Variants in SDK1 observed in about 807,000 individuals in gnomAD.
SDK1 encodes sidekick cell adhesion molecule 1.
In SDK1, 157 loss-of-function variants were observed where a neutral mutation model predicts 245.5. That is an observed-to-expected ratio of 0.64 (90% CI 0.56 to 0.73). The LOEUF is 0.73. Ranked by LOEUF, SDK1 falls within the 30% of genes least tolerant of loss-of-function variation. The pLI, the probability that SDK1 is intolerant of heterozygous loss-of-function variation, is 0.00. For missense variants in SDK1, 3,583 were observed against 3,002.3 expected (o/e 1.19, Z -4.52); for synonymous variants, 1,647 against 1,278.5 (o/e 1.29, Z -6.15).
intron 4 of SDK1, among the ~76,000 whole-genome samples, chr7:3,731,454 G>A (rs1779175798): frequency 6.6e-6 from 1 of 152,184 alleles, no homozygotes; most frequent in East Asian, 1.9e-4. Flanking sequence ...ATACAAGGAA[G>A]CCAGCTGACA....
Position 3,723,785 on chromosome 7 carries a change from C to T in SDK1, c.713+81680C>T, listed in dbSNP as rs886744641. Among the ~76,000 whole-genome samples the T allele has an allele frequency of 3.4e-5, 5 of 147,476 alleles. No individual in the cohort carries two copies. The South Asian group carries it at 6.4e-4, about 19-fold the overall frequency. On this transcript the variant is annotated intron_variant, in intron 4 of 44. Coordinates refer to ENST00000404826, the MANE Select transcript of SDK1 (RefSeq NM_152744.4). ...ATATACATATACACGTGTATATACA[C>T]GTACTTATACATATACACGTGTATA...
intron 4 of SDK1, among the ~76,000 whole-genome samples, chr7:3,763,901 G>C (rs1419607579): frequency 6.6e-6 from 1 of 152,112 alleles, no homozygotes; most frequent in African/African-American, 2.4e-5. Flanking sequence ...TGTCCTATAA[G>C]TCCATTAAGG....
chr7:3,488,387 C>T (rs1354104322), intron 1 of SDK1, among the ~76,000 whole-genome samples: 1 of 152,016 alleles, frequency 6.6e-6, no homozygotes, highest in Non-Finnish European at 1.5e-5. Flanking sequence ...CTTTGAGACA[C>T]GATTTAATAT....
At chr7:3,304,667 C>T (rs1408875174) in intron 1 of SDK1, among the ~76,000 whole-genome samples, 1 of 152,154 alleles carries the variant, frequency 6.6e-6, no homozygotes, top group East Asian at 1.9e-4. Context: ...ACCTACTCTT[C>T]CTCTTCCATG....
chr7:3,542,635 A>T (rs1251888428), intron 1 of SDK1, among the ~76,000 whole-genome samples: 2 of 152,212 alleles, frequency 1.3e-5, no homozygotes, highest in Non-Finnish European at 2.9e-5. Flanking sequence ...AAATGTTTTA[A>T]AATGTTAAAA....
intron 1 of SDK1, among the ~76,000 whole-genome samples, chr7:3,442,190 A>G (rs1464041950): frequency 2.6e-5 from 4 of 152,234 alleles, no homozygotes; most frequent in Non-Finnish European, 5.9e-5. Context: ...TCTAGTTATG[A>G]AGGAAAGAGA....
In SDK1 at chr7:3,470,397, C is replaced by G. The variant is rs534605185; in HGVS notation, c.299-148683C>G. Among the ~76,000 whole-genome samples, 4 of 152,250 alleles carry G rather than the reference C, an allele frequency of 2.6e-5. No homozygotes were observed. In the South Asian group the frequency reaches 8.3e-4, roughly 32 times the overall value. ...TATTTAAAGATCTCATGAACACCCTCAGTTTTAGTATAGAAATATAAAATT... is the reference window on the plus strand; with the variant it reads ...TATTTAAAGATCTCATGAACACCCTGAGTTTTAGTATAGAAATATAAAATT... On this transcript the variant is annotated intron_variant, in intron 1 of 44. Coordinates refer to ENST00000404826, the MANE Select transcript of SDK1 (RefSeq NM_152744.4).
intron 5 of SDK1, among the ~76,000 whole-genome samples, chr7:3,945,899 TAAAAAAAAAAAAAAAAAAA>T (rs754101246): frequency 8.0e-4 from 11 of 13,680 alleles, no homozygotes; most frequent in Non-Finnish European, 1.3e-3. Context: ...ACTCTGTCTG[TAAAAAAAAAAAAAAAAAAA>T]AAAAAAAAAA....
At chr7:4,056,622 C>G (rs551359155) in intron 19 of SDK1, among the ~76,000 whole-genome samples, 6 of 152,204 alleles carry the variant, frequency 3.9e-5, no homozygotes, top group Non-Finnish European at 7.4e-5. Flanking sequence ...TCCTGCAATC[C>G]GAGCCACAGG....
At chr7:3,455,379 T>C (rs1254371349) in intron 1 of SDK1, among the ~76,000 whole-genome samples, 1 of 149,186 alleles carries the variant, frequency 6.7e-6, no homozygotes, top group African/African-American at 2.5e-5. Context: ...AGATTTTCTT[T>C]CCTTTTTTTT....
chr7:3,539,615 A>C (rs551810228), intron 1 of SDK1, among the ~76,000 whole-genome samples: 2 of 152,170 alleles, frequency 1.3e-5, no homozygotes, highest in African/African-American at 2.4e-5. Context: ...CTGTCTTTCA[A>C]AACCTTGCAT....
intron 5 of SDK1, among the ~76,000 whole-genome samples, chr7:3,828,990 G>T (rs1201834913): frequency 1.3e-5 from 2 of 151,988 alleles, no homozygotes; most frequent in African/African-American, 4.8e-5. Context: ...TTTTTTCAGA[G>T]GCTGTGATAT....
intron 38 of SDK1, among the ~76,000 whole-genome samples, chr7:4,219,302 C>T (rs758669505): frequency 9.2e-5 from 14 of 152,170 alleles, no homozygotes; most frequent in South Asian, 2.1e-4. Flanking sequence ...ATCTTGTATA[C>T]GCTCCCTGTG....
chr7:4,101,585 C>T (rs1395328721), intron 22 of SDK1, among the ~76,000 whole-genome samples: 1 of 152,198 alleles, frequency 6.6e-6, no homozygotes, highest in Non-Finnish European at 1.5e-5. Flanking sequence ...CCATGTGCAG[C>T]AGGGGAGGGG....
chr7:3,534,368 C>G (rs1038720355), intron 1 of SDK1, among the ~76,000 whole-genome samples: 1 of 152,134 alleles, frequency 6.6e-6, no homozygotes, highest in African/African-American at 2.4e-5. Context: ...ACAGATGTCT[C>G]TTTGACTTCT....
At chr7:3,443,439 G>C (rs954790361) in intron 1 of SDK1, among the ~76,000 whole-genome samples, 3 of 152,194 alleles carry the variant, frequency 2.0e-5, no homozygotes, top group African/African-American at 7.2e-5. Flanking sequence ...ATAGTTGACA[G>C]ATGTCAGCCA....
At chr7:3,689,093 A>C (rs144160289) in intron 4 of SDK1, among the ~76,000 whole-genome samples, 220 of 152,264 alleles carry the variant, frequency 1.4e-3, no homozygotes, top group African/African-American at 5.1e-3. Flanking sequence ...CCAGTTCTAC[A>C]TGTGGAGTTG....
chr7:3,811,161 C>T (rs542156561), intron 4 of SDK1, among the ~76,000 whole-genome samples: 54 of 152,260 alleles, frequency 3.5e-4, no homozygotes, highest in South Asian at 2.1e-3. Context: ...ACCTCACTAC[C>T]GATTTGCACT....
At chr7:4,213,997 A>T (rs1049727830) in intron 38 of SDK1, among the ~76,000 whole-genome samples, 1 of 152,180 alleles carries the variant, frequency 6.6e-6, no homozygotes, top group Admixed American at 6.5e-5. Flanking sequence ...TGTGCTCAGC[A>T]CTTAACATCC....
Sources: allele counts gnomAD v4.1 joint callset (sites outside exome capture counted in the v4.1 genomes callset), GRCh38; gene constraint gnomAD v4.1.1; transcripts MANE v1.5; gene names NCBI Gene and HGNC (gene_info 2026-07-23, HGNC 2026-07-21).